The following RARB variants were observed in gnomAD, a reference collection of about 807,000 sequenced individuals.
The protein encoded by RARB is retinoic acid receptor beta.
RARB carries 17 observed loss-of-function variants against 51.9 expected under a neutral mutation model. The observed-to-expected ratio is 0.33, with a 90% CI of 0.22 to 0.49. The LOEUF (loss-of-function observed/expected upper bound fraction) is 0.49, where lower values mean the gene tolerates loss of function less well. Ranked by LOEUF, RARB falls within the 20% of genes least tolerant of loss-of-function variation. The pLI is 0.99. For missense variants in RARB, 369 were observed against 550.8 expected, an observed-to-expected ratio of 0.67 and a Z score of 3.30; for synonymous variants, 215 against 195.4, an observed-to-expected ratio of 1.10 and a Z score of -0.84.
chr3:25,382,814 T>C (rs926393726), intron 5 of RARB, among the ~76,000 whole-genome samples: 1 of 152,106 alleles, frequency 6.6e-6, no homozygotes, highest in Non-Finnish European at 1.5e-5. Context: ...GCTGAGATCA[T>C]GCCACGGCAC....
intron 5 of RARB, among the ~76,000 whole-genome samples, chr3:25,586,110 C>T (rs766367016): frequency 1.1e-4 from 16 of 152,110 alleles, no homozygotes; most frequent in Admixed American, 3.3e-4. Flanking sequence ...GGCACTGCCT[C>T]GAGCCTCAGT....
chr3:24,891,046 A>G (rs771534829), intron 2 of RARB, among the ~76,000 whole-genome samples: 4 of 152,216 alleles, frequency 2.6e-5, no homozygotes, highest in Non-Finnish European at 5.9e-5. Flanking sequence ...ATACATGTGG[A>G]AAAGCTCAGT....
intron 2 of RARB, among the ~76,000 whole-genome samples, chr3:24,893,951 T>C (rs762768886): frequency 6.6e-6 from 1 of 152,220 alleles, no homozygotes; most frequent in Non-Finnish European, 1.5e-5. Context: ...TCAGTGTACC[T>C]AATACAAGCC....
At chr3:25,151,288 C>T (rs1700282686) in intron 4 of RARB, among the ~76,000 whole-genome samples, 1 of 151,364 alleles carries the variant, frequency 6.6e-6, no homozygotes, top group Non-Finnish European at 1.5e-5. Flanking sequence ...GTTTTGCTGA[C>T]TTTCTTTGCA....
At chr3:25,378,821 T>C (rs1706541890) in intron 5 of RARB, among the ~76,000 whole-genome samples, 1 of 152,162 alleles carries the variant, frequency 6.6e-6, no homozygotes, top group Non-Finnish European at 1.5e-5. Context: ...CTTGGTTTCT[T>C]ATGAGGTAGT....
chr3:25,350,243 G>A (rs1380328698), intron 5 of RARB, among the ~76,000 whole-genome samples: 1 of 152,118 alleles, frequency 6.6e-6, no homozygotes, highest in Non-Finnish European at 1.5e-5. Flanking sequence ...GGTCTTTGGA[G>A]CCCACCAAAG....
At chr3:25,499,121 A>T (rs543640863) in intron 2 of RARB, among the ~76,000 whole-genome samples, 68 of 152,334 alleles carry the variant, frequency 4.5e-4, no homozygotes, top group African/African-American at 1.6e-3. Flanking sequence ...TTTAGACATT[A>T]AAATCCTAGG....
At chr3:25,109,173 A>G (rs770241613) in intron 3 of RARB, among the ~76,000 whole-genome samples, 1 of 152,226 alleles carries the variant, frequency 6.6e-6, no homozygotes, top group Non-Finnish European at 1.5e-5. Context: ...ATGGGTAGGT[A>G]TAGTTACCTC....
intron 3 of RARB, among the ~76,000 whole-genome samples, chr3:25,548,167 T>C (rs1331537972): frequency 1.3e-5 from 2 of 148,834 alleles, no homozygotes; most frequent in African/African-American, 5.0e-5. Context: ...TTGGAGTGAG[T>C]GCTTCTCCCT....
At chr3:25,572,128 G>A (rs59175453) in intron 4 of RARB, among the ~76,000 whole-genome samples, 9,238 of 152,224 alleles carry the variant, frequency 0.061, 382 homozygotes, top group South Asian at 0.12. Context: ...GGGAAGGGGC[G>A]AAAAGAGAAG....
chr3:25,573,154 C>T (rs1208466908), intron 4 of RARB, among the ~76,000 whole-genome samples: 1 of 152,184 alleles, frequency 6.6e-6, no homozygotes, highest in Non-Finnish European at 1.5e-5. Flanking sequence ...TCTGACTGCC[C>T]ACAGTGATGA....
rs557952676 is a variant in RARB at position 25,276,283 on chromosome 3, G to A, written c.178+101708G>A. 4.6e-5 allele frequency among the ~76,000 whole-genome samples: 7 copies of A among 152,012 alleles called. No homozygotes were observed. The South Asian group carries it at 1.2e-3, about 27-fold the overall frequency. On this transcript the variant is annotated intron_variant, in intron 5 of 11. Transcript: ENST00000383772. ...ATCTTGAGCATTTCATCATATTTTT[G>A]GCCATTTGTGTGTTTTCTTTTGAGA...
At chr3:25,448,079 A>G (rs1433528757) in intron 1 of RARB, among the ~76,000 whole-genome samples, 1 of 151,982 alleles carries the variant, frequency 6.6e-6, no homozygotes, top group Non-Finnish European at 1.5e-5. Context: ...GCAGAAATTG[A>G]GGCTCAGAGA....
chr3:25,121,467 G>A (rs1047988159), intron 3 of RARB, among the ~76,000 whole-genome samples: 18 of 152,096 alleles, frequency 1.2e-4, no homozygotes, highest in Non-Finnish European at 2.5e-4. Flanking sequence ...AAACAACCCA[G>A]TAAAGATGGA....
chr3:24,865,358 A>ATGT (rs1702826950), intron 2 of RARB, among the ~76,000 whole-genome samples: 1 of 152,102 alleles, frequency 6.6e-6, no homozygotes, highest in Admixed American at 6.5e-5. Flanking sequence ...AGTTTGACCC[A>ATGT]TGTTGCTCGA....
At chr3:25,394,105 T>C (rs1191670782) in intron 5 of RARB, among the ~76,000 whole-genome samples, 1 of 152,060 alleles carries the variant, frequency 6.6e-6, no homozygotes, top group Non-Finnish European at 1.5e-5. Context: ...TTTGTCACTA[T>C]TATTCAGTTC....
chr3:25,111,794 G>A (rs1699607158), intron 3 of RARB, among the ~76,000 whole-genome samples: 1 of 151,902 alleles, frequency 6.6e-6, no homozygotes, highest in South Asian at 2.1e-4. Flanking sequence ...GGCCAGGCTG[G>A]TCTCGAACTC....
chr3:25,464,382 A>G (rs1695331361), intron 2 of RARB, among the ~76,000 whole-genome samples: 1 of 152,226 alleles, frequency 6.6e-6, no homozygotes. Context: ...ACCGGCACAA[A>G]CAACTTTGAT....
chr3:25,590,044 G>A (rs904220022), intron 5 of RARB, among the ~76,000 whole-genome samples: 1 of 152,238 alleles, frequency 6.6e-6, no homozygotes, highest in Non-Finnish European at 1.5e-5. Flanking sequence ...TTCAGGCTGG[G>A]GCCGGGGCAG....
Sources: allele counts gnomAD v4.1 joint callset (sites outside exome capture counted in the v4.1 genomes callset), GRCh38; gene constraint gnomAD v4.1.1; transcripts MANE v1.5; gene names NCBI Gene and HGNC (gene_info 2026-07-23, HGNC 2026-07-21).